MAST4: variants seen among roughly 807,000 people sequenced by gnomAD.
MAST4 encodes the protein microtubule-associated serine/threonine-protein kinase 4.
MAST4 carries 89 observed loss-of-function variants against 162.7 expected under a neutral mutation model. The observed-to-expected ratio is 0.55, with a 90% CI of 0.46 to 0.65. The LOEUF (loss-of-function observed/expected upper bound fraction) is 0.65. Ranked by LOEUF, MAST4 falls within the 30% of genes least tolerant of loss-of-function variation. MAST4 has a pLI of 0.00. For synonymous variants in MAST4, 1,479 were observed against 1,361.1 expected, an observed-to-expected ratio of 1.09 and a Z score of -1.91; for missense variants, 3,153 against 3,374.0, an observed-to-expected ratio of 0.93 and a Z score of 1.62.
intron 16 of MAST4, among the ~76,000 whole-genome samples, chr5:67,132,292 A>C (rs1181809602): frequency 6.6e-6 from 1 of 152,176 alleles, no homozygotes; most frequent in Non-Finnish European, 1.5e-5. Context: ...CGTCATCTAC[A>C]TTAGGTATTT....
At position 67,057,603 on chromosome 5, in the gene MAST4, A is replaced by AG. The variant is rs1429384920; in HGVS notation, c.763+3111_763+3112insG. 3.2e-4 allele frequency among the ~76,000 whole-genome samples: 48 copies of AG among 149,944 alleles called. 1 individual carries two copies. The highest frequency in any genetic ancestry group is 1.1e-3 in the African/African-American group (45 of 39,904). On this transcript the variant is annotated intron_variant, in intron 5 of 28. Coordinates refer to ENST00000403625, the MANE Select transcript of MAST4 (RefSeq NM_001164664.2). ...AGCACAGTCTCATTAAAAAAAAAAAAAAGAAGGAAAGAAAAGAAAAGAAAA... is the reference window on the plus strand; with the variant it reads ...AGCACAGTCTCATTAAAAAAAAAAAAGAAGAAGGAAAGAAAAGAAAAGAAAA...
At chr5:66,607,899 A>G (rs748718848) in intron 1 of MAST4, among the ~76,000 whole-genome samples, 1 of 152,130 alleles carries the variant, frequency 6.6e-6, no homozygotes, top group Non-Finnish European at 1.5e-5. Flanking sequence ...TGATTTGTCA[A>G]TAGGCACCTA....
intron 2 of MAST4, among the ~76,000 whole-genome samples, chr5:66,769,857 G>C (rs1754284477): frequency 6.6e-6 from 1 of 152,094 alleles, no homozygotes; most frequent in African/African-American, 2.4e-5. Context: ...TCCCAATTTG[G>C]GTTCTTGGCT....
intron 1 of MAST4, among the ~76,000 whole-genome samples, chr5:66,710,411 A>C (rs921433738): frequency 7.9e-5 from 12 of 152,124 alleles, no homozygotes; most frequent in African/African-American, 2.7e-4. Context: ...TAGCATCTTG[A>C]CCTTGTTAGA....
chr5:67,001,466 T>C (rs919297192), intron 4 of MAST4: 3 of 152,044 alleles, frequency 2.0e-5, no homozygotes, highest in African/African-American at 7.3e-5. Context: ...AAAAAATAAA[T>C]TTAAAGTATA....
intron 3 of MAST4, among the ~76,000 whole-genome samples, chr5:66,880,603 T>TCACCATCCTCTAAA (rs1761631280): frequency 1.3e-5 from 2 of 152,144 alleles, no homozygotes; most frequent in Non-Finnish European, 2.9e-5. Context: ...TTGAGGACAT[T>TCACCATCCTCTAAA]CACCATCCTC....
chr5:66,980,249 C>T (rs930846521), intron 4 of MAST4, among the ~76,000 whole-genome samples: 6 of 152,192 alleles, frequency 3.9e-5, no homozygotes, highest in Non-Finnish European at 7.3e-5. Flanking sequence ...AGCCACAATG[C>T]TAGATGCATG....
intron 4 of MAST4, among the ~76,000 whole-genome samples, chr5:67,035,641 C>T (rs1210474552): frequency 2.0e-5 from 3 of 152,212 alleles, no homozygotes; most frequent in Non-Finnish European, 4.4e-5. Context: ...TCCTTGATGC[C>T]GGTGGTGGGC....
intron 3 of MAST4, among the ~76,000 whole-genome samples, chr5:66,878,363 AAAGTAT>A (rs1761446733): frequency 6.6e-6 from 1 of 152,244 alleles, no homozygotes; most frequent in Non-Finnish European, 1.5e-5. Flanking sequence ...GTGTCCAGAA[AAAGTAT>A]CATGTTGTGT....
intron 2 of MAST4, among the ~76,000 whole-genome samples, chr5:66,779,141 T>G (rs553195960): frequency 2.0e-5 from 3 of 152,356 alleles, no homozygotes; most frequent in Admixed American, 1.3e-4. Flanking sequence ...ATTGGGCATC[T>G]CTGGTGGATT....
Position 66,618,265 on chromosome 5 carries a change from G to C in MAST4, c.363+21247G>C, listed in dbSNP as rs555188832. Among the ~76,000 whole-genome samples the C allele has an allele frequency of 3.2e-4, 49 of 152,304 alleles. No individual in the cohort carries two copies. In the South Asian group the frequency reaches 9.3e-3, roughly 29 times the overall value. On this transcript the variant is annotated intron_variant, in intron 1 of 28. Coordinates refer to ENST00000403625, the MANE Select transcript of MAST4 (RefSeq NM_001164664.2). Reference sequence around the variant, plus strand: ...ACAGCAAGTCTGAGGGTGCAGGGTAGTAGCCCCATTTTATAGGTGAGAAAA... The same window carrying C: ...ACAGCAAGTCTGAGGGTGCAGGGTACTAGCCCCATTTTATAGGTGAGAAAA...
At chr5:67,097,540 A>G (rs1489560938) in intron 7 of MAST4, among the ~76,000 whole-genome samples, 1 of 152,114 alleles carries the variant, frequency 6.6e-6, no homozygotes, top group Non-Finnish European at 1.5e-5. Context: ...CTTGTAATTA[A>G]TAAAGCTGAC....
At chr5:67,022,163 T>C (rs374863130) in intron 4 of MAST4, among the ~76,000 whole-genome samples, 1 of 152,228 alleles carries the variant, frequency 6.6e-6, no homozygotes, top group Admixed American at 6.5e-5. Flanking sequence ...AAAGGTTTAT[T>C]GAATGAAAGC....
intron 4 of MAST4, among the ~76,000 whole-genome samples, chr5:66,956,470 C>T (rs907288453): frequency 6.6e-6 from 1 of 152,036 alleles, no homozygotes; most frequent in Non-Finnish European, 1.5e-5. Context: ...ATTTTACGAC[C>T]GCAGTTCCCC....
At chr5:67,105,168 G>T (rs938615439) in intron 10 of MAST4, among the ~76,000 whole-genome samples, 3 of 152,172 alleles carry the variant, frequency 2.0e-5, no homozygotes, top group Non-Finnish European at 4.4e-5. Flanking sequence ...GAGTCTGTAT[G>T]GGGGAATGGA....
intron 21 of MAST4, among the ~76,000 whole-genome samples, chr5:67,144,343 G>A (rs1358617202): frequency 6.6e-6 from 1 of 151,902 alleles, no homozygotes; most frequent in Non-Finnish European, 1.5e-5. Flanking sequence ...GATGTGCATT[G>A]ATCCCAAGGC....
chr5:66,697,513 A>G (rs1445963949), intron 1 of MAST4, among the ~76,000 whole-genome samples: 1 of 152,218 alleles, frequency 6.6e-6, no homozygotes, highest in African/African-American at 2.4e-5. Flanking sequence ...GTCTGTTACA[A>G]TAGTCCTTAC....
intron 3 of MAST4, among the ~76,000 whole-genome samples, chr5:66,872,411 C>A (rs565477621): frequency 6.6e-6 from 1 of 152,258 alleles, no homozygotes; most frequent in Non-Finnish European, 1.5e-5. Context: ...CTCAGGTGAT[C>A]CACCTGCCTC....
At chr5:67,007,651 ATGTT>A (rs1301226259) in intron 4 of MAST4, among the ~76,000 whole-genome samples, 2 of 152,198 alleles carry the variant, frequency 1.3e-5, no homozygotes, top group Non-Finnish European at 2.9e-5. Context: ...TAAGGATAGA[ATGTT>A]TGTCACACTT....
Sources: allele counts gnomAD v4.1 joint callset (sites outside exome capture counted in the v4.1 genomes callset), GRCh38; gene constraint gnomAD v4.1.1; transcripts MANE v1.5; gene names NCBI Gene and HGNC (gene_info 2026-07-23, HGNC 2026-07-21).